The following WWOX variants were observed in gnomAD, a reference collection of about 807,000 sequenced individuals.
WWOX encodes WW domain-containing oxidoreductase.
A neutral mutation model predicts 46.2 loss-of-function variants in WWOX; 69 were observed. The ratio of observed to expected loss-of-function variants is 1.49; its 90% CI spans 1.23 to 1.82. The LOEUF (loss-of-function observed/expected upper bound fraction) is 1.82, where lower values mean the gene tolerates loss of function less well. WWOX is among the 40% of genes most tolerant of loss of function. The probability of loss-of-function intolerance (pLI) is 0.00; values close to 1 mark genes in which losing one functional copy is unlikely to be tolerated. For missense variants in WWOX, 919 were observed against 542.6 expected (o/e 1.69, Z -6.89); for synonymous variants, 359 against 202.6 (o/e 1.77, Z -6.56).
At chr16:78,811,922 G>T (rs763358739) in intron 8 of WWOX, among the ~76,000 whole-genome samples, 1 of 152,030 alleles carries the variant, frequency 6.6e-6, no homozygotes, top group Non-Finnish European at 1.5e-5. Flanking sequence ...TACCTGTTAG[G>T]GTTCTTTTGA....
At position 78,144,450 on chromosome 16, in the gene WWOX, C is replaced by CGTGT. The variant is rs1555543046; in HGVS notation, c.410-19733_410-19732insGTGT. Among the ~76,000 whole-genome samples the CGTGT allele has an allele frequency of 1.2e-3, 31 of 24,934 alleles. 5 individuals are homozygous for CGTGT. The highest frequency in any genetic ancestry group is 1.8e-3 in the South Asian group (1 of 564). The allele number at this position is 24,934 out of a possible 152,430, so 16.4% of individuals were successfully genotyped here. On this transcript the variant is annotated intron_variant, in intron 4 of 8. Coordinates refer to ENST00000566780, the MANE Select transcript of WWOX (RefSeq NM_016373.4). The stretch of plus-strand genomic sequence containing the variant: ...ATTACTATATATATATATATATACA[C>CGTGT]ATATATATATATACACACATATATA...
At chr16:78,141,079 G>A (rs2033969118) in intron 4 of WWOX, among the ~76,000 whole-genome samples, 1 of 152,204 alleles carries the variant, frequency 6.6e-6, no homozygotes, top group African/African-American at 2.4e-5. Flanking sequence ...GTTATCATCA[G>A]ACATTAGGAA....
At chr16:78,130,454 A>C (rs13334300) in intron 4 of WWOX, among the ~76,000 whole-genome samples, 41,996 of 152,064 alleles carry the variant, frequency 0.28, 6,456 homozygotes, top group African/African-American at 0.41. Context: ...GTGTTAAAGA[A>C]ATGTCTGCTA....
chr16:78,650,755 G>C (rs536606341), intron 8 of WWOX, among the ~76,000 whole-genome samples: 1 of 152,292 alleles, frequency 6.6e-6, no homozygotes, highest in South Asian at 2.1e-4. Flanking sequence ...TATGGAATGG[G>C]TTTCCATGCC....
At chr16:79,151,023 T>G (rs1482986539) in intron 8 of WWOX, among the ~76,000 whole-genome samples, 2 of 152,212 alleles carry the variant, frequency 1.3e-5, no homozygotes, top group African/African-American at 4.8e-5. Flanking sequence ...TATTTCCCTT[T>G]TAAACGTTAG....
At position 78,458,080 on chromosome 16, in the gene WWOX, C is replaced by G. The variant is rs2083866147; in HGVS notation, c.1056+25328C>G. ...TGACAAAAAAAAAACTTTACCTGGG[C>G]TTAGTAAGTTGCCTGACTTCTCATC... On this transcript the variant is annotated intron_variant, in intron 8 of 8. Transcript: ENST00000566780. Among the ~76,000 whole-genome samples, 3 of 151,330 alleles carry G rather than the reference C, an allele frequency of 2.0e-5. No homozygotes were observed. The South Asian group carries it at 6.3e-4, about 32-fold the overall frequency.
chr16:78,309,789 A>G (rs2080205473), intron 5 of WWOX, among the ~76,000 whole-genome samples: 1 of 152,188 alleles, frequency 6.6e-6, no homozygotes, highest in South Asian at 2.1e-4. Flanking sequence ...ATGTGCACCC[A>G]GCAGTGTCTG....
intron 8 of WWOX, among the ~76,000 whole-genome samples, chr16:79,106,288 T>A (rs926048491): frequency 6.6e-6 from 1 of 152,190 alleles, no homozygotes; most frequent in East Asian, 1.9e-4. Flanking sequence ...ACATTTTGAA[T>A]TTTTGACCTG....
chr16:78,466,044 T>TTG (rs1290165887), intron 8 of WWOX, among the ~76,000 whole-genome samples: 1 of 152,082 alleles, frequency 6.6e-6, no homozygotes, highest in African/African-American at 2.4e-5. Context: ...TTTTTGTTTT[T>TTG]TTTTTGAGAC....
At chr16:78,510,363 G>A (rs1415915073) in intron 8 of WWOX, among the ~76,000 whole-genome samples, 1 of 152,014 alleles carries the variant, frequency 6.6e-6, no homozygotes, top group Non-Finnish European at 1.5e-5. Flanking sequence ...CCACCACCAT[G>A]CACAGCTAAT....
chr16:79,052,877 A>G (rs2048195039), intron 8 of WWOX, among the ~76,000 whole-genome samples: 1 of 151,242 alleles, frequency 6.6e-6, no homozygotes, highest in East Asian at 2.0e-4. Context: ...TGGCAAGAAG[A>G]TAATTACTAA....
intron 8 of WWOX, among the ~76,000 whole-genome samples, chr16:79,098,017 G>C (rs1254599640): frequency 4.6e-5 from 7 of 152,268 alleles, no homozygotes; most frequent in Admixed American, 1.3e-4. Flanking sequence ...GCATTAATAT[G>C]TCTGGAACAT....
At chr16:78,863,358 C>T (rs940573755) in intron 8 of WWOX, among the ~76,000 whole-genome samples, 10 of 152,114 alleles carry the variant, frequency 6.6e-5, no homozygotes, top group African/African-American at 1.2e-4. Flanking sequence ...ATCTCTAGGC[C>T]AAGTGTTCTT....
chr16:78,825,838 C>A, intron 8 of WWOX: 1 of 613,256 alleles, frequency 1.6e-6, no homozygotes, highest in South Asian at 2.0e-5. Context: ...AGGTGAAGGT[C>A]ATGCTGCCCT....
intron 8 of WWOX, among the ~76,000 whole-genome samples, chr16:78,768,593 G>GAA (rs34788836): frequency 7.5e-6 from 1 of 133,310 alleles, no homozygotes; most frequent in African/African-American, 2.8e-5. Context: ...TCATCTCGAG[G>GAA]AAAAAAAAAA....
intron 8 of WWOX, among the ~76,000 whole-genome samples, chr16:79,063,905 C>G (rs1432735223): frequency 6.6e-6 from 1 of 152,104 alleles, no homozygotes; most frequent in Non-Finnish European, 1.5e-5. Context: ...GATAATGAGA[C>G]TAGTATGGAG....
At chr16:78,356,875 C>G (rs570563880) in intron 5 of WWOX, among the ~76,000 whole-genome samples, 22 of 152,162 alleles carry the variant, frequency 1.4e-4, no homozygotes, top group African/African-American at 4.8e-4. Context: ...GAGTGAGACT[C>G]CATCTCAAAA....
At chr16:78,819,354 C>A (rs1400720557) in intron 8 of WWOX, among the ~76,000 whole-genome samples, 1 of 152,146 alleles carries the variant, frequency 6.6e-6, no homozygotes, top group African/African-American at 2.4e-5. Flanking sequence ...GGTGGGTGCA[C>A]CTTTCCATGA....
At chr16:78,327,472 G>A (rs753480234) in intron 5 of WWOX, among the ~76,000 whole-genome samples, 2 of 152,164 alleles carry the variant, frequency 1.3e-5, no homozygotes, top group Non-Finnish European at 2.9e-5. Flanking sequence ...GCAGGACACA[G>A]AAGGCTTCTG....
Sources: gnomAD v4.1 joint callset for allele counts (sites outside exome capture counted in the v4.1 genomes callset) on GRCh38, gnomAD v4.1.1 for gene constraint, MANE v1.5 for transcripts, NCBI Gene and HGNC (gene_info 2026-07-23, HGNC 2026-07-21) for gene names.